The following SNX29 variants were observed in gnomAD, a reference collection of about 807,000 sequenced individuals.
SNX29 encodes sorting nexin-29.
In SNX29, 78 loss-of-function variants were observed where a neutral mutation model predicts 102.1. The observed-to-expected ratio is 0.76, with a 90% CI of 0.64 to 0.92. SNX29 has a LOEUF of 0.92. Among genes scored for constraint, SNX29 ranks in the 40% least tolerant of loss-of-function variants. The probability of loss-of-function intolerance (pLI) is 0.00; values close to 1 mark genes in which losing one functional copy is unlikely to be tolerated. For missense variants in SNX29, 1,280 were observed against 1,061.7 expected, an observed-to-expected ratio of 1.21 and a Z score of -2.86; for synonymous variants, 580 against 414.5, an observed-to-expected ratio of 1.40 and a Z score of -4.85.
intron 1 of SNX29, among the ~76,000 whole-genome samples, chr16:11,985,302 G>T (rs1371655332): frequency 6.6e-6 from 1 of 152,148 alleles, no homozygotes; most frequent in African/African-American, 2.4e-5. Context: ...TGTTACCACT[G>T]GGGTCTGTTG....
chr16:12,088,007 G>T (rs1168080082), intron 11 of SNX29: 2 of 456,560 alleles, frequency 4.4e-6, no homozygotes, highest in East Asian at 6.9e-5. Context: ...GGTCCTTTGG[G>T]GGGTATGAGC....
chr16:12,421,887 C>G (rs936536682), intron 18 of SNX29, among the ~76,000 whole-genome samples: 2 of 151,604 alleles, frequency 1.3e-5, no homozygotes, highest in African/African-American at 4.8e-5. Flanking sequence ...ATCACCATCA[C>G]CAGCCGTCCA....
At position 12,054,191 on chromosome 16, in the gene SNX29, C is replaced by T. The variant is rs1347698862; in HGVS notation, c.1124+1969C>T. ...CCCTGTTAGCCGGGATGGTCTCAAA[C>T]TCCTGATCTCGTGATCTGCCCGCCT... On this transcript the variant is annotated intron_variant, in intron 8 of 20. Transcript: ENST00000566228. Among the ~76,000 whole-genome samples the T allele has an allele frequency of 2.0e-5, 3 of 152,344 alleles. No individual in the cohort carries two copies. In the East Asian group the frequency reaches 5.8e-4, roughly 29 times the overall value.
intron 20 of SNX29, among the ~76,000 whole-genome samples, chr16:12,542,792 A>G (rs553914072): frequency 6.6e-6 from 1 of 152,026 alleles, no homozygotes; most frequent in East Asian, 1.9e-4. Flanking sequence ...TATTAGTTAA[A>G]TCAGCAAGTA....
chr16:12,282,483 A>G (rs1234561131), intron 15 of SNX29, among the ~76,000 whole-genome samples: 8 of 152,138 alleles, frequency 5.3e-5, no homozygotes, highest in African/African-American at 1.2e-4. Flanking sequence ...TTTAAATTGT[A>G]TCTTCATTGC....
intron 18 of SNX29, among the ~76,000 whole-genome samples, chr16:12,435,186 G>C (rs1214814092): frequency 6.6e-6 from 1 of 152,118 alleles, no homozygotes; most frequent in Non-Finnish European, 1.5e-5. Flanking sequence ...TTCTTCCTCT[G>C]TCTCCTCCCG....
At chr16:12,227,087 T>G (rs1184454357) in intron 14 of SNX29, among the ~76,000 whole-genome samples, 1 of 152,194 alleles carries the variant, frequency 6.6e-6, no homozygotes, top group East Asian at 1.9e-4. Flanking sequence ...AGACTCCCTG[T>G]TGGGGCTTTT....
intron 15 of SNX29, among the ~76,000 whole-genome samples, chr16:12,338,432 G>A (rs1286067963): frequency 7.2e-5 from 11 of 152,148 alleles, no homozygotes; most frequent in Non-Finnish European, 2.9e-5. Flanking sequence ...AGGTATTCCC[G>A]GGAACAAGGA....
At chr16:12,281,668 T>A (rs757429346) in intron 15 of SNX29, among the ~76,000 whole-genome samples, 3 of 152,136 alleles carry the variant, frequency 2.0e-5, no homozygotes, top group Non-Finnish European at 4.4e-5. Context: ...TAGATGAACA[T>A]ATGTGATCCT....
intron 3 of SNX29, among the ~76,000 whole-genome samples, chr16:12,010,583 G>A (rs2056614977): frequency 1.3e-5 from 2 of 152,266 alleles, no homozygotes; most frequent in African/African-American, 4.8e-5. Flanking sequence ...TCATCAACCC[G>A]CCATTGCACT....
At chr16:12,316,589 C>A (rs373239192) in intron 15 of SNX29, among the ~76,000 whole-genome samples, 1 of 152,120 alleles carries the variant, frequency 6.6e-6, no homozygotes, top group African/African-American at 2.4e-5. Flanking sequence ...CGGGATCTTG[C>A]TCTCTCTCAC....
intron 13 of SNX29, among the ~76,000 whole-genome samples, chr16:12,185,608 G>A (rs754187122): frequency 1.3e-5 from 2 of 152,078 alleles, no homozygotes; most frequent in African/African-American, 2.4e-5. Context: ...GGCCCACATC[G>A]TTGTATTTTG....
At chr16:12,552,850 G>C (rs962092080) in intron 20 of SNX29, among the ~76,000 whole-genome samples, 2 of 152,222 alleles carry the variant, frequency 1.3e-5, no homozygotes, top group African/African-American at 4.8e-5. Context: ...AGAGGAGAGG[G>C]TGTGGCAGAT....
At chr16:12,094,358 A>G (rs2052683280) in intron 11 of SNX29, among the ~76,000 whole-genome samples, 1 of 152,172 alleles carries the variant, frequency 6.6e-6, no homozygotes, top group African/African-American at 2.4e-5. Context: ...AACACCCTCA[A>G]AGGGTACGTT....
chr16:12,450,364 C>G (rs2086250397), intron 18 of SNX29, among the ~76,000 whole-genome samples: 1 of 152,170 alleles, frequency 6.6e-6, no homozygotes, highest in African/African-American at 2.4e-5. Flanking sequence ...TCTCAAACAG[C>G]CTTTCTTCTC....
At chr16:12,531,483 T>C (rs2076931100) in intron 20 of SNX29, among the ~76,000 whole-genome samples, 1 of 152,190 alleles carries the variant, frequency 6.6e-6, no homozygotes, top group African/African-American at 2.4e-5. Flanking sequence ...TGGAAGGCCC[T>C]ACCAAGAGGG....
intron 1 of SNX29, among the ~76,000 whole-genome samples, chr16:11,983,951 T>C (rs1411565751): frequency 6.6e-6 from 1 of 152,150 alleles, no homozygotes; most frequent in African/African-American, 2.4e-5. Flanking sequence ...AAAGCACAGA[T>C]AGGCATATAG....
intron 20 of SNX29, among the ~76,000 whole-genome samples, chr16:12,525,459 G>A (rs978120053): frequency 6.6e-6 from 1 of 152,092 alleles, no homozygotes; most frequent in African/African-American, 2.4e-5. Flanking sequence ...GATCACCTGA[G>A]GTCGGGAGTT....
chr16:12,199,638 G>C lies in SNX29; in HGVS notation c.1633G>C (p.Val545Leu). 6.2e-7 allele frequency: 1 copy of C among 1,613,262 alleles called. No homozygotes were observed. Among genetic ancestry groups the C allele is most frequent in the African/African-American group, 1.3e-5 (1 of 75,002 alleles). Residue 545 changes from valine (V) to leucine (L), a missense_variant, in exon 14 of 21, where the codon GTA becomes CTA. Val to Leu is a conservative substitution (Grantham distance 32). Transcript: ENST00000566228. The part of the protein sequence containing the change: ...EVLKVQLKKY[V>L]GAVQMLKREG... ...GCTCAAAGTCCAACTGAAGAAATAT[G>C]TAGGAGCTGTCCAGATGCTGAAAAG...
Sources: allele counts gnomAD v4.1 joint callset (sites outside exome capture counted in the v4.1 genomes callset), GRCh38; gene constraint gnomAD v4.1.1; transcripts MANE v1.5; gene names NCBI Gene and HGNC (gene_info 2026-07-23, HGNC 2026-07-21).